The following NUP160 variants were observed in gnomAD, a reference collection of about 807,000 sequenced individuals.
NUP160 encodes the protein nuclear pore complex protein Nup160.
Under a neutral mutation model 196.9 loss-of-function variants are expected in NUP160, and 94 were observed. The observed-to-expected ratio is 0.48, with a 90% CI of 0.40 to 0.57. NUP160 has a LOEUF of 0.57. NUP160 is among the 20% of genes least tolerant of loss of function. NUP160 has a pLI of 0.00. For missense variants in NUP160, 1,638 were observed against 1,748.3 expected (o/e 0.94, Z 1.13); for synonymous variants, 605 against 619.7 (o/e 0.98, Z 0.35).
At chr11:47,826,084 A>C (rs1444569771) in intron 7 of NUP160, among the ~76,000 whole-genome samples, 1 of 152,202 alleles carries the variant, frequency 6.6e-6, no homozygotes, top group African/African-American at 2.4e-5. Flanking sequence ...TAAAACCTAC[A>C]AATCTCAATC....
rs751746567 is a variant in NUP160, at chr11:47,806,149, A to T, written c.2606+4T>A. The T allele has an allele frequency of 6.2e-7, 1 of 1,613,832 alleles. No homozygotes were observed. Among genetic ancestry groups the T allele is most frequent in the South Asian group, 1.1e-5 (1 of 91,072 alleles). ...TTTTCACTGGCTTCTAAATAAAAGG[A>T]TACAAAAGCTGCAATAAATAACTGG... On this transcript the variant is annotated splice_donor_region_variant and intron_variant, in intron 20 of 35. Coordinates refer to ENST00000378460, the Ensembl canonical transcript of NUP160.
intron 4 of NUP160, among the ~76,000 whole-genome samples, chr11:47,838,771 T>G (rs1852233789): frequency 6.6e-6 from 1 of 151,668 alleles, no homozygotes; most frequent in South Asian, 2.1e-4. Context: ...TTTGGGAGGC[T>G]GAGGTGGGCA....
intron 7 of NUP160, among the ~76,000 whole-genome samples, chr11:47,824,030 T>C (rs1290154015): frequency 1.7e-5 from 2 of 121,058 alleles, no homozygotes; most frequent in Non-Finnish European, 3.5e-5. Flanking sequence ...TATATATATA[T>C]ATATATATAT....
chr11:47,799,122 GT>G (rs1241135357), intron 23 of NUP160, among the ~76,000 whole-genome samples: 1 of 151,438 alleles, frequency 6.6e-6, no homozygotes, highest in East Asian at 1.9e-4. Context: ...CAGGGTCTCT[GT>G]CAATCAGACT....
chr11:47,826,053 T>C (rs1851959748), intron 7 of NUP160, among the ~76,000 whole-genome samples: 2 of 152,206 alleles, frequency 1.3e-5, no homozygotes, highest in Admixed American at 6.5e-5. Context: ...CTTATATCCA[T>C]TGTAGCCTGA....
Position 47,809,951 on chromosome 11 carries a change from G to A in NUP160, c.2242-1422C>T, listed in dbSNP as rs557471047. 2.6e-5 allele frequency among the ~76,000 whole-genome samples: 4 copies of A among 151,916 alleles called. No homozygotes were observed. The South Asian group carries it at 6.2e-4, about 24-fold the overall frequency. On this transcript the variant is annotated intron_variant, in intron 17 of 35. Transcript: ENST00000378460. ...GCAAAATTTAAGTAGTAATCACTGG[G>A]TAGAAAATTATAAATTTTTTAAATT...
intron 28 of NUP160, 137 bp from the exon 29 acceptor site, chr11:47,792,127 C>T (rs1469044998): frequency 6.6e-6 from 4 of 604,944 alleles, no homozygotes; most frequent in East Asian, 2.9e-5. Context: ...GCTCTTCTTA[C>T]AGAGGTACTG....
At chr11:47,803,252 T>C (rs1408050532) in intron 22 of NUP160, among the ~76,000 whole-genome samples, 186 bp downstream of exon 22, 2 of 151,818 alleles carry the variant, frequency 1.3e-5, no homozygotes, top group African/African-American at 2.4e-5. Flanking sequence ...CCTATCTAAA[T>C]TGCAGAATAC....
chr11:47,780,992 C>T (rs544020192), intron 34 of NUP160, among the ~76,000 whole-genome samples: 2 of 151,328 alleles, frequency 1.3e-5, no homozygotes, highest in Non-Finnish European at 2.9e-5. Context: ...TTTGGGAGGC[C>T]GAGGTGGGCG....
At chr11:47,790,576 A>G (rs1328558451) in intron 29 of NUP160, among the ~76,000 whole-genome samples, 3 of 152,214 alleles carry the variant, frequency 2.0e-5, no homozygotes, top group East Asian at 3.9e-4. Flanking sequence ...TGTACTCTTA[A>G]AAGAAAATGT....
chr11:47,848,269 G>A, exon 1 of NUP160: 1 of 1,614,180 alleles, frequency 6.2e-7, no homozygotes, highest in Non-Finnish European at 8.5e-7. Context: ...TTCGCGCTCA[G>A]CTCCGCTTAG....
chr11:47,806,592 A>T, intron 19 of NUP160: 1 of 316,072 alleles, frequency 3.2e-6, no homozygotes, highest in South Asian at 6.9e-5. Context: ...ATTCTTCATG[A>T]TAAATACAAT....
rs1014636833 is a variant in NUP160, at chr11:47,791,798, T to A, written c.3511+132A>T. The A allele has an allele frequency of 6.2e-6, 4 of 640,978 alleles. No individual in the cohort carries two copies. The African/African-American group carries it at 7.6e-5, about 12-fold the overall frequency. The allele number at this position is 640,978 out of a possible 1,614,324, so 39.7% of individuals were successfully genotyped here. ...AAAACTTGTGTTTTACAAGGGCAAC[T>A]GTTACTACTATAACATTTATATATT... On this transcript the variant is annotated intron_variant, in intron 29 of 35. Coordinates refer to ENST00000378460, the Ensembl canonical transcript of NUP160.
rs143395151 is a variant in NUP160 at position 47,787,507 on chromosome 11, G to A, written c.3746+675C>T. 8.3e-3 allele frequency among the ~76,000 whole-genome samples: 1,198 copies of A among 145,028 alleles called. 19 individuals are homozygous for A. Among genetic ancestry groups the A allele is most frequent in the African/African-American group, 0.029 (1,126 of 38,580 alleles). On this transcript the variant is annotated intron_variant, in intron 31 of 35. Transcript: ENST00000378460. The stretch of plus-strand genomic sequence containing the variant: ...TGCAGAGGCGCGATCTCAGCTCACT[G>A]CAACCTCTGCCTCCCAAGTTCAAGA...
At chr11:47,826,562 C>A (rs1365422517) in intron 7 of NUP160, among the ~76,000 whole-genome samples, 1 of 57,584 alleles carries the variant, frequency 1.7e-5, no homozygotes, top group African/African-American at 3.6e-5. Flanking sequence ...GGTAAAAATC[C>A]CCCCCCCCTT....
exon 4 of NUP160, chr11:47,839,871 A>G (rs763421754): frequency 1.9e-6 from 3 of 1,614,116 alleles, no homozygotes; most frequent in Non-Finnish European, 2.5e-6. Context: ...GTAGCTTAAG[A>G]ACAAAGATTC....
intron 7 of NUP160, among the ~76,000 whole-genome samples, chr11:47,828,794 G>T (rs540432016): frequency 7.9e-5 from 12 of 152,230 alleles, no homozygotes; most frequent in Admixed American, 7.9e-4. Context: ...TGTGTCTGAG[G>T]TCAAATGATT....
Position 47,826,242 on chromosome 11 carries a change from G to C in NUP160, c.1102-4078C>G, listed in dbSNP as rs565854712. On this transcript the variant is annotated intron_variant, in intron 7 of 35. Coordinates refer to ENST00000378460, the Ensembl canonical transcript of NUP160. ...CTCCTGCATCAGCCCCGAGTAGCCG[G>C]AACTATACATATGCACCATCAGGCC... 6.6e-5 allele frequency among the ~76,000 whole-genome samples: 10 copies of C among 152,206 alleles called. No homozygotes were observed. In the South Asian group the frequency reaches 2.1e-3, roughly 32 times the overall value.
At chr11:47,797,514 C>T (rs1159820080) in intron 27 of NUP160, among the ~76,000 whole-genome samples, 1 of 152,204 alleles carries the variant, frequency 6.6e-6, no homozygotes, top group African/African-American at 2.4e-5. Flanking sequence ...GCTAGGATTA[C>T]AGGTGTAAGC....
Sources: allele counts gnomAD v4.1 joint callset (sites outside exome capture counted in the v4.1 genomes callset), GRCh38; gene constraint gnomAD v4.1.1; transcripts MANE v1.5; gene names NCBI Gene and HGNC (gene_info 2026-07-23, HGNC 2026-07-21).